WRAP73: variants seen among roughly 807,000 people sequenced by gnomAD.
WRAP73 encodes the protein WD repeat containing, antisense to TP73.
WRAP73 carries 55 observed loss-of-function variants against 59.6 expected under a neutral mutation model. The observed-to-expected ratio is 0.92, with a 90% CI of 0.74 to 1.15. The LOEUF is 1.15. Among genes scored for constraint, WRAP73 ranks in the 50% most tolerant of loss-of-function variants. WRAP73 has a pLI of 0.00. For synonymous variants in WRAP73, 265 were observed against 258.2 expected (o/e 1.03, Z -0.25); for missense variants, 592 against 608.1 (o/e 0.97, Z 0.28).
rs76161888 is a variant in WRAP73 at position 3,646,864 on chromosome 1, C to A, written c.223-82G>T. ...GCGAGGACAGCTCGCTTAAACGCAG[C>A]GGAGACCCGACCGCACAGGGTGTCT... On this transcript the variant is annotated intron_variant, in intron 2 of 11. Coordinates refer to ENST00000270708, the MANE Select transcript of WRAP73 (RefSeq NM_017818.4). This position sits in a 1 kb window ranked among gnomAD's most constrained non-coding sequence, Gnocchi z 5.1. 7 of 1,240,854 alleles carry A rather than the reference C, an allele frequency of 5.6e-6. No individual in the cohort carries two copies. In the East Asian group the frequency reaches 9.4e-5, roughly 17 times the overall value. 76.9% of individuals were successfully genotyped at this position (1,240,854 alleles called of 1,614,324 possible). A position where few individuals can be genotyped will look rare whatever the true frequency, so the allele number is the denominator to read the frequency against.
intron 10 of WRAP73, 74 bp from the exon 11 acceptor site, chr1:3,631,731 G>A: frequency 6.6e-7 from 1 of 1,526,324 alleles, no homozygotes; most frequent in Non-Finnish European, 8.8e-7. Context: ...CCTCTGCTCT[G>A]CTGTTGACAC....
intron 3 of WRAP73, among the ~76,000 whole-genome samples, chr1:3,642,404 C>A (rs986832679): frequency 6.6e-6 from 1 of 152,178 alleles, no homozygotes; most frequent in African/African-American, 2.4e-5. Context: ...TATAATGGAA[C>A]TGAGCTCCTG....
rs536035119 is a variant in WRAP73, at chr1:3,647,275, T to C, written c.222+133A>G. The C allele has an allele frequency of 9.2e-6, 9 of 973,032 alleles. No individual in the cohort carries two copies. In the East Asian group the frequency reaches 2.6e-4, roughly 28 times the overall value. 60.3% of individuals were successfully genotyped at this position (973,032 alleles called of 1,614,324 possible). ...AATGTTCTTAAACTTTAGAGAACGTTATAATTTCAAAAGAAAACTGGCTTT... is the reference window on the plus strand; with the variant it reads ...AATGTTCTTAAACTTTAGAGAACGTCATAATTTCAAAAGAAAACTGGCTTT... On this transcript the variant is annotated intron_variant, in intron 2 of 11. Coordinates refer to ENST00000270708, the MANE Select transcript of WRAP73 (RefSeq NM_017818.4).
At chr1:3,635,111 C>T (rs1306043372) in intron 7 of WRAP73, 37 bp from the exon 8 acceptor site, 21 of 1,614,040 alleles carry the variant, frequency 1.3e-5, no homozygotes, top group African/African-American at 2.7e-5. Flanking sequence ...AGGCAGGGCC[C>T]GGCCCGCTGG....
At chr1:3,649,532 C>T (rs746363041) in intron 1 of WRAP73, among the ~76,000 whole-genome samples, 6 of 152,214 alleles carry the variant, frequency 3.9e-5, no homozygotes, top group Non-Finnish European at 8.8e-5. Flanking sequence ...CCAAGGGCAC[C>T]TCCCCAGACC....
intron 3 of WRAP73, among the ~76,000 whole-genome samples, chr1:3,640,163 T>C (rs1052602738): frequency 9.2e-5 from 14 of 152,246 alleles, no homozygotes; most frequent in African/African-American, 3.4e-4. Context: ...GAAGGGCTCC[T>C]GTGCTGATGC....
At chr1:3,632,394 C>T (rs1010301618) in intron 9 of WRAP73, 56 bp from the exon 10 acceptor site, 45 of 1,612,428 alleles carry the variant, frequency 2.8e-5, no homozygotes, top group South Asian at 1.1e-4. Context: ...AGTACGCACG[C>T]GGCTGAGAGG....
chr1:3,645,282 T>A (rs1331889425), intron 3 of WRAP73, among the ~76,000 whole-genome samples: 1 of 152,120 alleles, frequency 6.6e-6, no homozygotes, highest in Non-Finnish European at 1.5e-5. Flanking sequence ...TCCTCCCAGG[T>A]GCCATCATCT....
intron 6 of WRAP73, 99 bp downstream of exon 6, chr1:3,635,845 C>G (rs1424852639): frequency 3.8e-6 from 4 of 1,057,120 alleles, no homozygotes; most frequent in Admixed American, 2.1e-5. Context: ...AACTTGTTAT[C>G]TGAAATAAGA....
chr1:3,633,699 G>C (rs1304035231), intron 8 of WRAP73, 196 bp from the exon 9 acceptor site: 5 of 558,214 alleles, frequency 9.0e-6, no homozygotes, highest in Non-Finnish European at 1.6e-5. Context: ...CCTCTCTCGT[G>C]TCCTGCTGAG....
chr1:3,635,359 C>T (rs1644580229), intron 6 of WRAP73, 65 bp from the exon 7 acceptor site: 6 of 1,596,722 alleles, frequency 3.8e-6, no homozygotes, highest in East Asian at 2.2e-5. Flanking sequence ...ACCACAGACG[C>T]GGGTGCTGCA....
chr1:3,642,466 C>T (rs113727502), intron 3 of WRAP73, among the ~76,000 whole-genome samples: 20,407 of 151,760 alleles, frequency 0.13, 1,502 homozygotes, highest in Middle Eastern at 0.18. Flanking sequence ...GAGCTGGGCA[C>T]GGTGGCTCAC....
In WRAP73 at chr1:3,635,070, C is replaced by T. The variant is rs1228635231; in HGVS notation, c.743G>A (p.Arg248His). ...TTTCCAAGTCACGTGATTAAGGATGCGCACCTGAGGAAGGAAACCATGCAC... is the reference window on the plus strand; with the variant it reads ...TTTCCAAGTCACGTGATTAAGGATGTGCACCTGAGGAAGGAAACCATGCAC... The part of the protein sequence containing the change: ...LAVGSYDGKV[R>H]ILNHVTWKMI... The change falls in exon 8 of 12, where the codon CGC (arginine) becomes CAC (histidine). Residue 248 changes from arginine (R) to histidine (H), a missense_variant. Coordinates refer to ENST00000270708, the MANE Select transcript of WRAP73 (RefSeq NM_017818.4). 2.5e-6 allele frequency: 4 copies of T among 1,614,070 alleles called. No homozygotes were observed. The highest frequency in any genetic ancestry group is 1.7e-5 in the Admixed American group (1 of 60,010).
At chr1:3,640,509 GGCGGGGTGC>G (rs1557460522) in intron 3 of WRAP73, among the ~76,000 whole-genome samples, 3,479 of 37,148 alleles carry the variant, frequency 0.094, 277 homozygotes, top group African/African-American at 0.25. Flanking sequence ...GCATCAGCAG[GGCGGGGTGC>G]AGCGCCCGAG....
chr1:3,636,174 T>A (rs756993840), intron 5 of WRAP73, 144 bp from the exon 6 acceptor site: 4 of 660,702 alleles, frequency 6.1e-6, no homozygotes, highest in Non-Finnish European at 1.1e-5. Flanking sequence ...TGGAAATGCA[T>A]GAAATCCCTG....
chr1:3,649,908 T>C lies in WRAP73; in HGVS notation c.69+23A>G, dbSNP rs1159536245. ...GCTGGCACCGAGGATGTCCTGCCCG[T>C]GGCCCAGGTCCCCGCCGCTCACCAG... On this transcript the variant is annotated intron_variant, in intron 1 of 11. Coordinates refer to ENST00000270708, the MANE Select transcript of WRAP73 (RefSeq NM_017818.4). 3.8e-6 allele frequency: 6 copies of C among 1,587,998 alleles called. No homozygotes were observed. The African/African-American group carries it at 5.5e-5, about 14-fold the overall frequency.
At chr1:3,633,688 C>T (rs978763802) in intron 8 of WRAP73, 185 bp from the exon 9 acceptor site, 9 of 570,530 alleles carry the variant, frequency 1.6e-5, no homozygotes, top group Non-Finnish European at 2.5e-5. Context: ...CACCCAGCCA[C>T]CCTCTCTCGT....
rs1410738003 is a variant in WRAP73 at position 3,638,862 on chromosome 1, T to C, written c.340-40A>G. 4 of 1,609,786 alleles carry C rather than the reference T, an allele frequency of 2.5e-6. No individual in the cohort carries two copies. The Admixed American group carries it at 5.0e-5, about 20-fold the overall frequency. On this transcript the variant is annotated intron_variant, in intron 3 of 11. Transcript: ENST00000270708. ...GGGAAAGAGAAAGGAAACACTTCTT[T>C]AGCATCATCAGAGACCGTCTCAATC...
rs114827156 is a variant in WRAP73, at chr1:3,631,071, C to T, written c.1287G>A (p.Ser429=). Residue 429 remains serine (S), a synonymous_variant, in exon 12 of 12, where the codon TCG becomes TCA. Coordinates refer to ENST00000270708, the MANE Select transcript of WRAP73 (RefSeq NM_017818.4). ...AGTGATCCTTGCTGAGGAGGGCCAT[C>T]GAGTCTCCGCTTAAATGCCAGCACA... is the stretch of plus-strand genomic sequence containing the variant. ...LSLCWHLSGD[S]MALLSKDHFC... 1.7e-3 allele frequency: 2,777 copies of T among 1,613,294 alleles called. 39 individuals carry two copies. The African/African-American group carries it at 0.026, about 15-fold the overall frequency.
Sources: gnomAD v4.1 joint callset for allele counts (sites outside exome capture counted in the v4.1 genomes callset) on GRCh38, gnomAD v4.1.1 for gene constraint, Gnocchi (gnomAD v3.1) non-coding constraint, MANE v1.5 for transcripts, NCBI Gene and HGNC (gene_info 2026-07-23, HGNC 2026-07-21) for gene names.